Variants in TANGO2 observed in about 807,000 individuals in gnomAD.
TANGO2 encodes transport and golgi organization 2 homolog.
Under a neutral mutation model 39.1 loss-of-function variants are expected in TANGO2, and 26 were observed. That is an observed-to-expected ratio of 0.67 (90% CI 0.49 to 0.92). The LOEUF (loss-of-function observed/expected upper bound fraction) is 0.92. Among genes scored for constraint, TANGO2 ranks in the 40% least tolerant of loss-of-function variants. The pLI is 0.00. For missense variants in TANGO2, 326 were observed against 360.1 expected (o/e 0.91, Z 0.77); for synonymous variants, 131 against 144.5 (o/e 0.91, Z 0.67).
At chr22:20,036,338 T>G (rs756680328) in intron 1 of TANGO2, among the ~76,000 whole-genome samples, 3 of 152,222 alleles carry the variant, frequency 2.0e-5, no homozygotes, top group Non-Finnish European at 4.4e-5. Context: ...CTTGCAAGAC[T>G]GTCATTAAAA....
At position 20,036,651 on chromosome 22, in the gene TANGO2, A is replaced by G. The variant is rs2531713; in HGVS notation, c.-39-109A>G. The G allele has an allele frequency of 0.98, 895,987 of 918,516 alleles. 437,111 individuals are homozygous for G. The highest frequency in any genetic ancestry group is 1 in the East Asian group (40,835 of 40,844). The allele number at this position is 918,516 out of a possible 1,614,324, so 56.9% of individuals were successfully genotyped here. A position where few individuals can be genotyped will look rare whatever the true frequency, so the allele number is the denominator to read the frequency against. ...TCCAGTTCCCCCACACCCAGCAAGT[A>G]GTACAGACACCACAGAGGTGGTTCT... On this transcript the variant is annotated intron_variant, in intron 1 of 8. Coordinates refer to ENST00000327374, the MANE Select transcript of TANGO2 (RefSeq NM_152906.7).
chr22:20,033,164 G>A (rs1249170072), intron 1 of TANGO2: 1 of 514,622 alleles, frequency 1.9e-6, no homozygotes, highest in African/African-American at 2.0e-5. Flanking sequence ...GGAGAGAAAG[G>A]CAGTTCCTGA....
At chr22:20,017,036 T>G (rs565173867), upstream of TANGO2, 3 of 152,060 alleles carry the variant, frequency 2.0e-5, no homozygotes, top group Non-Finnish European at 2.9e-5. Context: ...TGCCCGAACC[T>G]CTGCGGCGGC....
At chr22:20,055,860 A>C in intron 5 of TANGO2, 83 bp from the exon 6 acceptor site, 1 of 1,277,532 alleles carries the variant, frequency 7.8e-7, no homozygotes, top group Non-Finnish European at 1.1e-6. Context: ...TAGCCTCCAG[A>C]AACAGGGCTG....
chr22:20,042,979 T>C (rs891295797), intron 2 of TANGO2, among the ~76,000 whole-genome samples: 13 of 151,950 alleles, frequency 8.6e-5, no homozygotes, highest in African/African-American at 3.1e-4. Flanking sequence ...GTTGTGGGTG[T>C]TCCCAGGGCT....
At chr22:20,053,635 C>T in intron 5 of TANGO2, 84 bp downstream of exon 5, 2 of 912,480 alleles carry the variant, frequency 2.2e-6, no homozygotes, top group East Asian at 2.5e-5. Context: ...TGGGGTTCCA[C>T]TGGGGGCTGT....
At chr22:20,039,616 G>A (rs1422529450) in intron 2 of TANGO2, among the ~76,000 whole-genome samples, 8 of 151,714 alleles carry the variant, frequency 5.3e-5, no homozygotes, top group Non-Finnish European at 8.8e-5. Flanking sequence ...ATGACAGAGT[G>A]AGACTCCATC....
chr22:20,036,816 T>C lies in TANGO2; in HGVS notation c.18T>C (p.Phe6=), dbSNP rs374345570. 1 of 1,614,242 alleles carries C rather than the reference T, an allele frequency of 6.2e-7. No individual in the cohort carries two copies. Among genetic ancestry groups the C allele is most frequent in the South Asian group, 1.1e-5 (1 of 91,090 alleles). Residue 6 remains phenylalanine, a synonymous_variant, in exon 2 of 9, where the codon TTT becomes TTC. Transcript: ENST00000327374. ...GCACCACCATGTGCATCATCTTCTT[T>C]AAGTTTGATCCTCGCCCTGTTTCCA... is the stretch of plus-strand genomic sequence containing the variant. MCIIF[F]KFDPRPVSKN... is the part of the protein sequence containing the mutation.
intron 5 of TANGO2, 194 bp downstream of exon 5, chr22:20,053,745 C>T (rs2046846601): frequency 1.6e-6 from 1 of 626,696 alleles, no homozygotes. Flanking sequence ...GGGTGAAGCC[C>T]AAGGCTTCCT....
intron 3 of TANGO2, among the ~76,000 whole-genome samples, chr22:20,049,496 A>G (rs1330635166): frequency 6.6e-6 from 1 of 152,062 alleles, no homozygotes; most frequent in Non-Finnish European, 1.5e-5. Flanking sequence ...CCCCGTCTCT[A>G]CTAAAAATAC....
In TANGO2 at chr22:20,061,514, T is replaced by C; in HGVS notation, c.452-16T>C. ...ACAGCAGGGCCTCTGCATGGCCCGC[T>C]GATTGCTCCTCACAGGCACCTACGG... is the stretch of plus-strand genomic sequence containing the variant. On this transcript the variant is annotated splice_polypyrimidine_tract_variant and intron_variant, in intron 6 of 8. Coordinates refer to ENST00000327374, the MANE Select transcript of TANGO2 (RefSeq NM_152906.7). 1.3e-6 allele frequency: 2 copies of C among 1,593,280 alleles called. No homozygotes were observed. Among genetic ancestry groups the C allele is most frequent in the Non-Finnish European group, 8.6e-7 (1 of 1,169,544 alleles).
In TANGO2 at chr22:20,047,224, G is replaced by GTT. The variant is rs1241057513; in HGVS notation, c.145+3783_145+3784dup. Among the ~76,000 whole-genome samples, 850 of 145,604 alleles carry GTT rather than the reference G, an allele frequency of 5.8e-3. 15 individuals are homozygous for GTT. The highest frequency in any genetic ancestry group is 0.02 in the African/African-American group (794 of 39,324). ...TCCAACACTGGGGATCAGTTTTTTGGTTTGTTTGTTTTTTTTTTTTTTTTT... is the reference window on the plus strand; with the variant it reads ...TCCAACACTGGGGATCAGTTTTTTGGTTTTTGTTTGTTTTTTTTTTTTTTTTT... On this transcript the variant is annotated intron_variant, in intron 3 of 8. Transcript: ENST00000327374.
At chr22:20,064,188 C>T (rs899710232) in intron 8 of TANGO2, among the ~76,000 whole-genome samples, 4 of 152,230 alleles carry the variant, frequency 2.6e-5, no homozygotes, top group African/African-American at 9.6e-5. Flanking sequence ...AAGAACCAAG[C>T]ATGGCTGTGT....
At chr22:20,017,436 G>C (rs1322430659), upstream of TANGO2, among the ~76,000 whole-genome samples, 1 of 152,154 alleles carries the variant, frequency 6.6e-6, no homozygotes, top group African/African-American at 2.4e-5. Context: ...GGAGGTAGGA[G>C]CTGCAGTATT....
intron 1 of TANGO2, among the ~76,000 whole-genome samples, chr22:20,034,215 A>C (rs538269614): frequency 5.9e-5 from 9 of 151,398 alleles, no homozygotes; most frequent in African/African-American, 9.6e-5. Context: ...ACAAAAAAAA[A>C]CCGAGTTCCT....
chr22:20,041,122 A>G (rs1174554612), intron 2 of TANGO2, among the ~76,000 whole-genome samples: 3 of 152,230 alleles, frequency 2.0e-5, no homozygotes, highest in Admixed American at 2.0e-4. Flanking sequence ...AATGCCTCCA[A>G]GGGCATGAAT....
chr22:20,056,437 C>T (rs761025682), intron 6 of TANGO2: 5 of 462,392 alleles, frequency 1.1e-5, no homozygotes, highest in South Asian at 3.1e-5. Flanking sequence ...CAGATGCACG[C>T]CTCCTGCACC....
In TANGO2 at chr22:20,066,814, C is replaced by T. The variant is rs925231974; in HGVS notation, c.*2152C>T. Among the ~76,000 whole-genome samples, 1 of 152,120 alleles carries T rather than the reference C, an allele frequency of 6.6e-6. No homozygotes were observed. Among genetic ancestry groups the T allele is most frequent in the Non-Finnish European group, 1.5e-5 (1 of 68,024 alleles). ...TGCCCTGCCCTCATGAAGAGCCCCC[C>T]GGATGTTCACCTCTGCCCAGAGACC... On this transcript the variant is annotated 3_prime_UTR_variant, in exon 9 of 9. Transcript: ENST00000327374.
In TANGO2 at chr22:20,053,489, G is replaced by A. The variant is rs150285254; in HGVS notation, c.318G>A (p.Leu106=). Residue 106 remains leucine, a synonymous_variant, in exon 5 of 9, where the codon CTG becomes CTA. Coordinates refer to ENST00000327374, the MANE Select transcript of TANGO2 (RefSeq NM_152906.7). ...CTGACGTGGACAGCTTGTCCTACCT[G>A]AAGAAGGTCTCTATGGAGGGCCATC... is the stretch of plus-strand genomic sequence containing the variant. The part of the protein sequence containing the change: ...LTTDVDSLSY[L]KKVSMEGHLY... The A allele has an allele frequency of 1.2e-5, 19 of 1,613,908 alleles. No homozygotes were observed. The African/African-American group carries it at 2.1e-4, about 18-fold the overall frequency.
Sources: gnomAD v4.1 joint callset for allele counts (sites outside exome capture counted in the v4.1 genomes callset) on GRCh38, gnomAD v4.1.1 for gene constraint, MANE v1.5 for transcripts, NCBI Gene and HGNC (gene_info 2026-07-23, HGNC 2026-07-21) for gene names.